Variants in ANKRD11 observed in about 807,000 individuals in gnomAD.
The protein encoded by ANKRD11 is ankyrin repeat domain 11.
In ANKRD11, 17 loss-of-function variants were observed where a neutral mutation model predicts 195.7. That is an observed-to-expected ratio of 0.09 (90% CI 0.06 to 0.13). The LOEUF is 0.13. Ranked by LOEUF, ANKRD11 falls within the 10% of genes least tolerant of loss-of-function variation. The pLI is 1.00. For missense variants in ANKRD11, 3,735 were observed against 3,566.1 expected, an observed-to-expected ratio of 1.05 and a Z score of -1.21; for synonymous variants, 1,953 against 1,528.1, an observed-to-expected ratio of 1.28 and a Z score of -6.49.
chr16:89,441,756 G>T (rs2043499503), intron 1 of ANKRD11, among the ~76,000 whole-genome samples: 1 of 90,640 alleles, frequency 1.1e-5, no homozygotes, highest in East Asian at 3.8e-4. Flanking sequence ...AACAGAGCGA[G>T]ACTCCGCCTA....
chr16:89,322,901 C>A (rs750378760), intron 2 of ANKRD11, among the ~76,000 whole-genome samples: 1 of 152,182 alleles, frequency 6.6e-6, no homozygotes, highest in Non-Finnish European at 1.5e-5. Flanking sequence ...TGGAGTGCAG[C>A]GGTGTGATCA....
intron 2 of ANKRD11, among the ~76,000 whole-genome samples, chr16:89,397,774 A>T (rs1246689450): frequency 6.6e-6 from 1 of 152,230 alleles, no homozygotes; most frequent in African/African-American, 2.4e-5. Context: ...TTGACAGGCA[A>T]GGGACTGGAG....
At chr16:89,451,411 C>CTTTTTT (rs66712285) in intron 1 of ANKRD11, among the ~76,000 whole-genome samples, 3 of 130,162 alleles carry the variant, frequency 2.3e-5, no homozygotes, top group East Asian at 2.2e-4. Context: ...TCACAAATTA[C>CTTTTTT]TTTTTTTTTT....
At chr16:89,303,568 T>C (rs2035978048) in intron 4 of ANKRD11, among the ~76,000 whole-genome samples, 1 of 152,184 alleles carries the variant, frequency 6.6e-6, no homozygotes, top group African/African-American at 2.4e-5. Flanking sequence ...GCAGCCTTCC[T>C]GTCCCCAGAT....
chr16:89,452,942 T>TA (rs2044150341), intron 1 of ANKRD11, among the ~76,000 whole-genome samples: 1 of 152,062 alleles, frequency 6.6e-6, no homozygotes, highest in Non-Finnish European at 1.5e-5. Flanking sequence ...GATAAACACA[T>TA]ACCATCTTTT....
At position 89,285,435 on chromosome 16, in the gene ANKRD11, C is replaced by G; in HGVS notation, c.1107G>C (p.Lys369Asn). The G allele has an allele frequency of 6.2e-7, 1 of 1,614,112 alleles. No individual in the cohort carries two copies. ...PPVDDKHLLK[K>N]DYRKETKSNS... ...TGGATTTCGTTTCTTTTCTGTAGTCCTTTTTCAATAGGTGCTTGTCGTCCA... is the reference window on the plus strand; with the variant it reads ...TGGATTTCGTTTCTTTTCTGTAGTCGTTTTTCAATAGGTGCTTGTCGTCCA... Residue 369 changes from lysine to asparagine, a missense_variant, in exon 9 of 13, where the codon AAG (lysine) becomes AAC (asparagine). By Grantham distance (94) the Lys-to-Asn change is moderately conservative. Transcript: ENST00000301030. This position sits in a 1 kb window ranked among gnomAD's most constrained non-coding sequence, Gnocchi z 5.6.
Position 89,286,059 on chromosome 16 carries a change from GAAGTGT to G in ANKRD11, c.866_871del (p.Tyr289_Thr290del). On this transcript the variant is annotated inframe_deletion, in exon 8 of 13. Coordinates refer to ENST00000301030, the MANE Select transcript of ANKRD11 (RefSeq NM_013275.6). ...CTTACCCGTCGAGCTCTCCTCGCTG[GAAGTGT>G]AAGTGCCTTTGCCTAACAGGAGGTT... 3 of 1,614,224 alleles carry G rather than the reference GAAGTGT, an allele frequency of 1.9e-6. No individual in the cohort carries two copies. Among genetic ancestry groups the G allele is most frequent in the Non-Finnish European group, 2.5e-6 (3 of 1,180,042 alleles).
chr16:89,465,442 CA>C (rs2056848435), intron 1 of ANKRD11, among the ~76,000 whole-genome samples: 1 of 152,168 alleles, frequency 6.6e-6, no homozygotes, highest in South Asian at 2.1e-4. Context: ...CGACAGAGAA[CA>C]GGGGCAGCAC....
intron 2 of ANKRD11, among the ~76,000 whole-genome samples, chr16:89,319,093 TC>T (rs1350118426): frequency 6.6e-6 from 1 of 152,176 alleles, no homozygotes; most frequent in Non-Finnish European, 1.5e-5. Flanking sequence ...TTTTAAAAAA[TC>T]CAGACTGTCT....
At chr16:89,443,766 T>C (rs1294554837) in intron 1 of ANKRD11, among the ~76,000 whole-genome samples, 1 of 152,104 alleles carries the variant, frequency 6.6e-6, no homozygotes, top group East Asian at 1.9e-4. Context: ...TGAATAGGGG[T>C]GAACAGTGAT....
chr16:89,305,766 C>T (rs1296704659), intron 3 of ANKRD11, among the ~76,000 whole-genome samples: 3 of 138,588 alleles, frequency 2.2e-5, no homozygotes, highest in Admixed American at 7.0e-5. Flanking sequence ...CGCAGACACG[C>T]GCCACCTCCC....
Position 89,279,704 on chromosome 16 carries a change from C to A in ANKRD11, c.6838G>T (p.Ala2280Ser), listed in dbSNP as rs1199936730. Residue 2280 changes from alanine to serine, a missense_variant, in exon 9 of 13, where the codon GCA becomes TCA. By Grantham distance (99) the Ala-to-Ser change is moderately conservative. Coordinates refer to ENST00000301030, the MANE Select transcript of ANKRD11 (RefSeq NM_013275.6). The surrounding 1 kb of genome is among the most constrained non-coding windows in gnomAD (Gnocchi z 5.6). The stretch of plus-strand genomic sequence containing the variant: ...GCACCGTCTGCGGCCTGAGCTTGTG[C>A]CACAGTGTTCGGGGCGGGGCCGTCA... ...APDGPAPNTV[A>S]QAQAADGAGP... 1.3e-6 allele frequency: 2 copies of A among 1,516,770 alleles called. No homozygotes were observed. The highest frequency in any genetic ancestry group is 4.8e-5 in the East Asian group (2 of 41,266). The allele number at this position is 1,516,770 out of a possible 1,614,324, so 94.0% of individuals were successfully genotyped here. A position where few individuals can be genotyped will look rare whatever the true frequency, so the allele number is the denominator to read the frequency against.
intron 2 of ANKRD11, among the ~76,000 whole-genome samples, chr16:89,361,170 C>T (rs3114869): frequency 6.6e-6 from 1 of 152,220 alleles, no homozygotes; most frequent in Non-Finnish European, 1.5e-5. Flanking sequence ...TGAAACCCTG[C>T]TCAGCTACCC....
intron 1 of ANKRD11, among the ~76,000 whole-genome samples, chr16:89,471,546 A>C (rs1284721263): frequency 2.0e-5 from 3 of 152,040 alleles, no homozygotes; most frequent in Non-Finnish European, 4.4e-5. Context: ...TAATCCCAGC[A>C]CTCTGGGAGG....
intron 3 of ANKRD11, chr16:89,313,568 A>G (rs1372006402): frequency 7.8e-7 from 1 of 1,289,066 alleles, no homozygotes; most frequent in Non-Finnish European, 1.0e-6. Context: ...TGTCACTGAG[A>G]TCACGATTCT....
At position 89,282,104 on chromosome 16, in the gene ANKRD11, G is replaced by A. The variant is rs1360414969; in HGVS notation, c.4438C>T (p.His1480Tyr). Residue 1480 changes from histidine (H) to tyrosine (Y), a missense_variant, in exon 9 of 13, where the codon CAT becomes TAT. His to Tyr is a moderately conservative substitution (Grantham distance 83). Coordinates refer to ENST00000301030, the MANE Select transcript of ANKRD11 (RefSeq NM_013275.6). ...RDEKERHRDR[H>Y]ADGLLRHHRD... ...TGATGCCGCAGCAGCCCATCCGCAT[G>A]CCTGTCCCGGTGCCTCTCCTTCTCG... The A allele has an allele frequency of 6.2e-7, 1 of 1,613,920 alleles. No homozygotes were observed. The highest frequency in any genetic ancestry group is 8.5e-7 in the Non-Finnish European group (1 of 1,179,954).
intron 1 of ANKRD11, among the ~76,000 whole-genome samples, chr16:89,469,053 C>T (rs1286018654): frequency 6.6e-6 from 1 of 152,152 alleles, no homozygotes; most frequent in Admixed American, 6.6e-5. Context: ...CCACAGCAAA[C>T]ATCATGGTTA....
chr16:89,386,971 T>C (rs1597237475), intron 2 of ANKRD11, among the ~76,000 whole-genome samples: 1 of 146,206 alleles, frequency 6.8e-6, no homozygotes, highest in African/African-American at 2.6e-5. Flanking sequence ...GGCAGGAGGG[T>C]GGCCCCACCC....
chr16:89,332,838 C>A (rs1489380634), intron 2 of ANKRD11, among the ~76,000 whole-genome samples: 5 of 152,242 alleles, frequency 3.3e-5, no homozygotes, highest in Admixed American at 3.3e-4. Flanking sequence ...TAGAAACGTC[C>A]ATTTCTTTCC....
Sources: gnomAD v4.1 joint callset for allele counts (sites outside exome capture counted in the v4.1 genomes callset) on GRCh38, gnomAD v4.1.1 for gene constraint, Gnocchi (gnomAD v3.1) non-coding constraint, MANE v1.5 for transcripts, NCBI Gene and HGNC (gene_info 2026-07-23, HGNC 2026-07-21) for gene names.